Variants in TFEB observed in about 807,000 individuals in gnomAD.
The protein encoded by TFEB is T-cell transcription factor EB.
In TFEB, 12 loss-of-function variants were observed where a neutral mutation model predicts 48.0. The ratio of observed to expected loss-of-function variants is 0.25; its 90% CI spans 0.16 to 0.40. The LOEUF is 0.40. Ranked by LOEUF, TFEB falls within the 10% of genes least tolerant of loss-of-function variation. TFEB has a pLI of 1.00. For missense variants in TFEB, 509 were observed against 640.3 expected (o/e 0.79, Z 2.21); for synonymous variants, 244 against 261.4 (o/e 0.93, Z 0.64).
intron 8 of TFEB, among the ~76,000 whole-genome samples, 159 bp from the exon 9 acceptor site, chr6:41,685,237 A>G (rs986221997): frequency 1.3e-5 from 2 of 152,234 alleles, no homozygotes; most frequent in Non-Finnish European, 2.9e-5. Context: ...TCTAGAGTCT[A>G]GACCAGTGTT....
At chr6:41,716,495 A>G (rs1222687034) in intron 1 of TFEB, among the ~76,000 whole-genome samples, 1 of 152,174 alleles carries the variant, frequency 6.6e-6, no homozygotes, top group East Asian at 1.9e-4. Context: ...CACTCACAGG[A>G]GCTAGAGCTG....
intron 1 of TFEB, among the ~76,000 whole-genome samples, chr6:41,711,434 G>A (rs780989461): frequency 6.6e-5 from 10 of 152,140 alleles, no homozygotes; most frequent in Admixed American, 1.3e-4. Flanking sequence ...GAAAATGAGC[G>A]CCAGCAGAAT....
rs1768878369 is a variant in TFEB, at chr6:41,684,464, G to C, written c.*135C>G. The C allele has an allele frequency of 2.6e-6, 3 of 1,168,708 alleles. No homozygotes were observed. Among genetic ancestry groups the C allele is most frequent in the Non-Finnish European group, 3.4e-6 (3 of 885,750 alleles). The allele number at this position is 1,168,708 out of a possible 1,614,324, so 72.4% of individuals were successfully genotyped here. On this transcript the variant is annotated 3_prime_UTR_variant, in exon 9 of 9. Coordinates refer to ENST00000373033, the MANE Select transcript of TFEB (RefSeq NM_001271944.2). ...CCAGACAGGCACTAAGTCCAAACAG[G>C]GGCCAACGGGGAGGAGGGAGGCAGG...
At chr6:41,721,412 G>A (rs1770979115) in intron 1 of TFEB, among the ~76,000 whole-genome samples, 1 of 148,094 alleles carries the variant, frequency 6.8e-6, no homozygotes, top group Non-Finnish European at 1.5e-5. Context: ...CACGAAACAT[G>A]TTCTACACAA....
chr6:41,706,361 C>T (rs962211959), intron 1 of TFEB, among the ~76,000 whole-genome samples: 3 of 152,134 alleles, frequency 2.0e-5, no homozygotes, highest in Non-Finnish European at 2.9e-5. Flanking sequence ...CTTCTGCTTT[C>T]GATCTGAGTC....
At chr6:41,708,736 C>G (rs1040676169) in intron 1 of TFEB, among the ~76,000 whole-genome samples, 1 of 152,212 alleles carries the variant, frequency 6.6e-6, no homozygotes. Flanking sequence ...TACTGAATAG[C>G]TAACTCTAAA....
At chr6:41,701,081 T>A (rs1769894922) in intron 1 of TFEB, among the ~76,000 whole-genome samples, 3 of 152,232 alleles carry the variant, frequency 2.0e-5, no homozygotes, top group Non-Finnish European at 4.4e-5. Context: ...CAGCCACCCA[T>A]GTGGACGCTC....
intron 1 of TFEB, among the ~76,000 whole-genome samples, chr6:41,732,261 T>C (rs554830335): frequency 1.3e-5 from 2 of 152,270 alleles, no homozygotes; most frequent in South Asian, 4.1e-4. Context: ...TGGTCTTCTT[T>C]AGGGACTGAG....
intron 1 of TFEB, among the ~76,000 whole-genome samples, chr6:41,700,263 G>A (rs1769831374): frequency 6.6e-6 from 1 of 152,120 alleles, no homozygotes; most frequent in East Asian, 1.9e-4. Context: ...TCAAGAGATG[G>A]AGACCATCCT....
chr6:41,695,526 CAG>C (rs1442745848), intron 1 of TFEB, among the ~76,000 whole-genome samples: 2 of 152,268 alleles, frequency 1.3e-5, no homozygotes, highest in Non-Finnish European at 2.9e-5. Context: ...CTGGAGGAAA[CAG>C]AGGCACAGAG....
chr6:41,735,206 G>C (rs1037699558), intron 1 of TFEB, 144 bp downstream of exon 1: 7 of 901,988 alleles, frequency 7.8e-6, no homozygotes, highest in Non-Finnish European at 9.3e-6. Context: ...CGGGTGGGTG[G>C]CGGCGCGCAC....
chr6:41,735,160 G>C (rs1771626920), intron 1 of TFEB, 190 bp downstream of exon 1: 4 of 942,086 alleles, frequency 4.2e-6, no homozygotes, highest in African/African-American at 3.6e-5. Context: ...AGCGCCGCTC[G>C]GGCCACGCGC....
chr6:41,726,594 C>T, intron 1 of TFEB, among the ~76,000 whole-genome samples: 1 of 152,126 alleles, frequency 6.6e-6, no homozygotes, highest in East Asian at 1.9e-4. Flanking sequence ...GTGCGTGCCA[C>T]AACACCTGGA....
intron 1 of TFEB, among the ~76,000 whole-genome samples, chr6:41,711,017 T>A (rs1456940433): frequency 6.6e-6 from 1 of 152,216 alleles, no homozygotes; most frequent in African/African-American, 2.4e-5. Context: ...AAAAACATCA[T>A]CACCTGATAG....
chr6:41,685,204 G>A (rs1581867196), intron 8 of TFEB, 126 bp from the exon 9 acceptor site: 23 of 1,228,464 alleles, frequency 1.9e-5, no homozygotes, highest in Non-Finnish European at 2.3e-5. Flanking sequence ...AAGTGTTTCC[G>A]CTGGAAGAAA....
intron 1 of TFEB, among the ~76,000 whole-genome samples, chr6:41,694,563 T>C (rs1195561743): frequency 6.6e-6 from 1 of 151,910 alleles, no homozygotes; most frequent in Non-Finnish European, 1.5e-5. Flanking sequence ...CAGAGAGCGA[T>C]GGGGGTGGTC....
chr6:41,686,511 T>TC (rs972869927), intron 7 of TFEB: 11 of 224,740 alleles, frequency 4.9e-5, no homozygotes, highest in African/African-American at 1.6e-4. Flanking sequence ...TACCTTTCTT[T>TC]TTTTTTTTTT....
At chr6:41,704,758 CAGGCCCCTGGTGG>C (rs1770117953) in intron 1 of TFEB, among the ~76,000 whole-genome samples, 1 of 150,310 alleles carries the variant, frequency 6.7e-6, no homozygotes, top group Non-Finnish European at 1.5e-5. Flanking sequence ...CAGGGAAGCA[CAGGCCCCTGGTGG>C]AAGCACAGAG....
At chr6:41,693,084 T>C (rs1202459007) in intron 1 of TFEB, among the ~76,000 whole-genome samples, 2 of 152,138 alleles carry the variant, frequency 1.3e-5, no homozygotes, top group Non-Finnish European at 1.5e-5. Flanking sequence ...GGCACATGAC[T>C]GGCAGGCGAA....
Sources: gnomAD v4.1 joint callset for allele counts (sites outside exome capture counted in the v4.1 genomes callset) on GRCh38, gnomAD v4.1.1 for gene constraint, MANE v1.5 for transcripts, NCBI Gene and HGNC (gene_info 2026-07-23, HGNC 2026-07-21) for gene names.